The following HS6ST3 variants were observed in gnomAD, a reference collection of about 807,000 sequenced individuals.
HS6ST3 encodes the protein heparan sulfate 6-O-sulfotransferase 3.
Under a neutral mutation model 36.7 loss-of-function variants are expected in HS6ST3, and 12 were observed. The ratio of observed to expected loss-of-function variants is 0.33; its 90% CI spans 0.21 to 0.53. HS6ST3 has a LOEUF of 0.53. Among genes scored for constraint, HS6ST3 ranks in the 20% least tolerant of loss-of-function variants. The pLI, the probability that HS6ST3 is intolerant of heterozygous loss-of-function variation, is 0.95. For synonymous variants in HS6ST3, 240 were observed against 257.5 expected (o/e 0.93, Z 0.65); for missense variants, 584 against 640.9 (o/e 0.91, Z 0.96).
chr13:96,409,954 C>T (rs2055498912), intron 1 of HS6ST3, among the ~76,000 whole-genome samples: 1 of 152,066 alleles, frequency 6.6e-6, no homozygotes, highest in African/African-American at 2.4e-5. Context: ...AGTTATATTC[C>T]TACCCCGAGC....
intron 1 of HS6ST3, among the ~76,000 whole-genome samples, chr13:96,670,469 A>C (rs1012068593): frequency 2.0e-5 from 3 of 152,082 alleles, no homozygotes; most frequent in Non-Finnish European, 4.4e-5. Context: ...AAGGCATGAG[A>C]TCTTATAGCA....
intron 1 of HS6ST3, among the ~76,000 whole-genome samples, chr13:96,467,579 G>A (rs1230979594): frequency 6.6e-6 from 1 of 152,122 alleles, no homozygotes; most frequent in Non-Finnish European, 1.5e-5. Context: ...GGCCTGGTGT[G>A]TTTCCTCAAG....
intron 1 of HS6ST3, among the ~76,000 whole-genome samples, chr13:96,331,887 G>A (rs577599761): frequency 1.7e-4 from 26 of 152,328 alleles, no homozygotes; most frequent in East Asian, 1.4e-3. Flanking sequence ...CTCGTGGTGC[G>A]CCGTTTTTTA....
At chr13:96,296,984 T>C (rs560620778) in intron 1 of HS6ST3, among the ~76,000 whole-genome samples, 2 of 152,220 alleles carry the variant, frequency 1.3e-5, no homozygotes, top group East Asian at 1.9e-4. Flanking sequence ...TCAATACTGC[T>C]CCTAACTTTA....
chr13:96,744,029 T>A (rs1338588778), intron 1 of HS6ST3, among the ~76,000 whole-genome samples: 1 of 152,098 alleles, frequency 6.6e-6, no homozygotes, highest in Non-Finnish European at 1.5e-5. Flanking sequence ...TTTTTTTATT[T>A]TAATTCTCAT....
chr13:96,149,735 T>C (rs961203412), intron 1 of HS6ST3, among the ~76,000 whole-genome samples: 1 of 152,212 alleles, frequency 6.6e-6, no homozygotes, highest in African/African-American at 2.4e-5. Flanking sequence ...AAGGTACAAC[T>C]TTCTATTTTA....
chr13:96,517,904 C>G, intron 1 of HS6ST3, among the ~76,000 whole-genome samples: 1 of 152,148 alleles, frequency 6.6e-6, no homozygotes, highest in East Asian at 1.9e-4. Context: ...AAGATACATG[C>G]ACGCAAATAT....
rs150044259 is a variant in HS6ST3, at chr13:96,579,560, G to A, written c.708-252930G>A. ...CAAGAGAAAAATAAACTTCTGTTGT[G>A]TTAAAAAAAAAAAAAGTTTGTAGAA... On this transcript the variant is annotated intron_variant, in intron 1 of 1. Transcript: ENST00000376705. 1.1e-3 allele frequency among the ~76,000 whole-genome samples: 161 copies of A among 149,252 alleles called. 4 individuals are homozygous for A. The East Asian group carries it at 0.027, about 25-fold the overall frequency.
intron 1 of HS6ST3, among the ~76,000 whole-genome samples, chr13:96,103,128 A>G (rs1171298527): frequency 6.6e-6 from 1 of 152,136 alleles, no homozygotes; most frequent in Admixed American, 6.6e-5. Flanking sequence ...ATGGTTATTA[A>G]ACAGTGTTTT....
intron 1 of HS6ST3, among the ~76,000 whole-genome samples, chr13:96,337,697 A>G (rs1368177335): frequency 6.6e-6 from 1 of 152,106 alleles, no homozygotes; most frequent in Non-Finnish European, 1.5e-5. Flanking sequence ...TAAGAAATTC[A>G]TCTTCTAGAA....
chr13:96,626,216 A>T (rs1490114284), intron 1 of HS6ST3, among the ~76,000 whole-genome samples: 1 of 151,992 alleles, frequency 6.6e-6, no homozygotes, highest in East Asian at 1.9e-4. Context: ...ATTTTTCTAT[A>T]TTGTCTACAT....
chr13:96,564,948 T>C (rs1397100546), intron 1 of HS6ST3, among the ~76,000 whole-genome samples: 4 of 152,170 alleles, frequency 2.6e-5, no homozygotes, highest in African/African-American at 9.6e-5. Flanking sequence ...TTAGAAGTGC[T>C]ATGGCAGGTG....
At chr13:96,234,182 G>A (rs1226392684) in intron 1 of HS6ST3, among the ~76,000 whole-genome samples, 1 of 151,216 alleles carries the variant, frequency 6.6e-6, no homozygotes, top group Admixed American at 6.6e-5. Flanking sequence ...GGCTGAGGCA[G>A]GCAGATCACC....
At chr13:96,326,100 T>C (rs1347517763) in intron 1 of HS6ST3, among the ~76,000 whole-genome samples, 1 of 152,096 alleles carries the variant, frequency 6.6e-6, no homozygotes, top group Non-Finnish European at 1.5e-5. Context: ...AATAATAATA[T>C]TGAAAAACAT....
intron 1 of HS6ST3, chr13:96,574,249 G>T: frequency 2.2e-6 from 1 of 444,680 alleles, no homozygotes; most frequent in South Asian, 1.8e-5. Context: ...TGGACTGGGA[G>T]ATAGGGGTCC....
chr13:96,780,912 G>A (rs1232600478), intron 1 of HS6ST3, among the ~76,000 whole-genome samples: 1 of 151,820 alleles, frequency 6.6e-6, no homozygotes, highest in Non-Finnish European at 1.5e-5. Flanking sequence ...AGCAGCAGCA[G>A]CAACACCAAT....
intron 1 of HS6ST3, among the ~76,000 whole-genome samples, chr13:96,532,594 CT>C (rs1250980243): frequency 2.0e-5 from 3 of 152,300 alleles, no homozygotes; most frequent in Admixed American, 6.5e-5. Flanking sequence ...TAAAAAATTA[CT>C]GAAAGCACGG....
At chr13:96,271,513 C>T (rs1249549871) in intron 1 of HS6ST3, among the ~76,000 whole-genome samples, 1 of 151,726 alleles carries the variant, frequency 6.6e-6, no homozygotes, top group Admixed American at 6.6e-5. Context: ...TATGTAAGCT[C>T]CTAAAGGCAG....
At chr13:96,815,097 A>G (rs117236678) in intron 1 of HS6ST3, among the ~76,000 whole-genome samples, 1,649 of 152,302 alleles carry the variant, frequency 0.011, 13 homozygotes, top group Non-Finnish European at 0.018. Context: ...GGTGGCTTCA[A>G]CAGCAGTTTA....
Sources: allele counts gnomAD v4.1 joint callset (sites outside exome capture counted in the v4.1 genomes callset), GRCh38; gene constraint gnomAD v4.1.1; transcripts MANE v1.5; gene names NCBI Gene and HGNC (gene_info 2026-07-23, HGNC 2026-07-21).